The following DLG2 variants were observed in gnomAD, a reference collection of about 807,000 sequenced individuals.
DLG2 encodes disks large homolog 2.
Under a neutral mutation model 132.5 loss-of-function variants are expected in DLG2, and 45 were observed. That is an observed-to-expected ratio of 0.34 (90% confidence interval 0.27 to 0.44). DLG2 has a LOEUF of 0.44. DLG2 is among the 20% of genes least tolerant of loss of function. DLG2 has a pLI of 1.00. For synonymous variants in DLG2, 424 were observed against 419.6 expected, an observed-to-expected ratio of 1.01 and a Z score of -0.13; for missense variants, 1,045 against 1,196.9, an observed-to-expected ratio of 0.87 and a Z score of 1.87.
intron 11 of DLG2, among the ~76,000 whole-genome samples, chr11:84,026,426 T>C (rs1050012784): frequency 2.6e-5 from 4 of 152,088 alleles, no homozygotes; most frequent in Admixed American, 6.6e-5. Context: ...TGTAAAATCA[T>C]AGAGCTGAAA....
chr11:85,520,907 A>G (rs1236577992), intron 3 of DLG2, among the ~76,000 whole-genome samples: 1 of 152,182 alleles, frequency 6.6e-6, no homozygotes, highest in Non-Finnish European at 1.5e-5. Flanking sequence ...AAACTATAAA[A>G]TTACTAAAAA....
intron 3 of DLG2, among the ~76,000 whole-genome samples, chr11:85,469,120 C>G (rs1686313106): frequency 6.6e-6 from 1 of 152,214 alleles, no homozygotes; most frequent in South Asian, 2.1e-4. Context: ...TATCACTGTT[C>G]TATTTCTCTC....
chr11:84,118,265 A>C (rs74437989), intron 9 of DLG2, among the ~76,000 whole-genome samples: 2,361 of 152,262 alleles, frequency 0.016, 55 homozygotes, highest in African/African-American at 0.053. Flanking sequence ...CCATTTGAAG[A>C]AGAAAAAATT....
At chr11:84,039,473 G>T (rs2095991187) in intron 11 of DLG2, among the ~76,000 whole-genome samples, 1 of 116,322 alleles carries the variant, frequency 8.6e-6, no homozygotes, top group Non-Finnish European at 1.8e-5. Context: ...TGTGGTGTTT[G>T]GTTTTTTGTT....
At chr11:84,990,259 T>C (rs1354295683) in intron 6 of DLG2, among the ~76,000 whole-genome samples, 1 of 152,234 alleles carries the variant, frequency 6.6e-6, no homozygotes, top group Non-Finnish European at 1.5e-5. Flanking sequence ...TCATCTGCTA[T>C]GCTTTGAATG....
At chr11:84,182,159 T>C (rs968460233) in intron 8 of DLG2, among the ~76,000 whole-genome samples, 9 of 152,204 alleles carry the variant, frequency 5.9e-5, no homozygotes, top group East Asian at 1.9e-4. Context: ...TTCAAAAGAA[T>C]AGATACAATG....
chr11:83,983,714 C>T (rs978410142), intron 11 of DLG2, among the ~76,000 whole-genome samples: 3 of 151,930 alleles, frequency 2.0e-5, no homozygotes, highest in Admixed American at 1.3e-4. Context: ...GATGCTTTGC[C>T]ACCCCATGGA....
At chr11:84,450,935 A>G (rs2099049862) in intron 7 of DLG2, among the ~76,000 whole-genome samples, 1 of 151,836 alleles carries the variant, frequency 6.6e-6, no homozygotes, top group Non-Finnish European at 1.5e-5. Flanking sequence ...AACATAGGGA[A>G]CAGAATGTGT....
intron 15 of DLG2, among the ~76,000 whole-genome samples, chr11:83,874,820 C>G (rs1444250308): frequency 1.3e-5 from 2 of 152,126 alleles, no homozygotes; most frequent in Non-Finnish European, 2.9e-5. Flanking sequence ...ATATAGTACT[C>G]TACCAGATAA....
chr11:84,425,336 A>G (rs1438904067), intron 7 of DLG2, among the ~76,000 whole-genome samples: 3 of 152,148 alleles, frequency 2.0e-5, no homozygotes, highest in African/African-American at 7.2e-5. Context: ...AATGGAAAGC[A>G]TTATTTAATC....
chr11:84,841,506 G>A (rs2080685289), intron 6 of DLG2, among the ~76,000 whole-genome samples: 1 of 152,070 alleles, frequency 6.6e-6, no homozygotes, highest in Admixed American at 6.6e-5. Flanking sequence ...GATAACATCA[G>A]TATAAATTTC....
chr11:85,145,746 T>C (rs2076795499), intron 5 of DLG2, among the ~76,000 whole-genome samples: 1 of 152,108 alleles, frequency 6.6e-6, no homozygotes, highest in East Asian at 1.9e-4. Context: ...CTGTGTTATC[T>C]TGATGCTCAC....
rs151113411 is a variant in DLG2, at chr11:83,578,574, A to G, written c.1941-36716T>C. 9.0e-4 allele frequency among the ~76,000 whole-genome samples: 137 copies of G among 152,314 alleles called. 1 individual carries two copies. The South Asian group carries it at 9.1e-3, about 10-fold the overall frequency. On this transcript the variant is annotated intron_variant, in intron 19 of 27. Coordinates refer to ENST00000376104, the MANE Select transcript of DLG2 (RefSeq NM_001142699.3). Reference sequence around the variant, plus strand: ...TTAAAATTAAAGAGATGGAAAAAATATATACCATATTGACACTAGTCAAAA... The same window carrying G: ...TTAAAATTAAAGAGATGGAAAAAATGTATACCATATTGACACTAGTCAAAA...
At chr11:83,502,248 A>C (rs2094477963) in intron 21 of DLG2, among the ~76,000 whole-genome samples, 1 of 152,168 alleles carries the variant, frequency 6.6e-6, no homozygotes, top group Non-Finnish European at 1.5e-5. Context: ...AAGGGTTTAC[A>C]CAACTAGGAG....
At chr11:85,107,958 C>G (rs1594294269) in intron 6 of DLG2, among the ~76,000 whole-genome samples, 1 of 121,274 alleles carries the variant, frequency 8.2e-6, no homozygotes, top group Non-Finnish European at 1.7e-5. Flanking sequence ...AAAAAAGCCT[C>G]TCAGCCCCAT....
At chr11:84,954,008 A>C (rs1411410777) in intron 6 of DLG2, among the ~76,000 whole-genome samples, 1 of 151,894 alleles carries the variant, frequency 6.6e-6, no homozygotes, top group East Asian at 1.9e-4. Context: ...CTCTCTTTAC[A>C]CGTATCCTGT....
chr11:84,035,629 G>A (rs2095844791), intron 11 of DLG2, among the ~76,000 whole-genome samples: 1 of 152,198 alleles, frequency 6.6e-6, no homozygotes, highest in Non-Finnish European at 1.5e-5. Flanking sequence ...GTAAGGCTGT[G>A]GAGTTTGATT....
At chr11:84,133,916 A>G (rs1249176206) in intron 9 of DLG2, among the ~76,000 whole-genome samples, 1 of 152,026 alleles carries the variant, frequency 6.6e-6, no homozygotes, top group East Asian at 1.9e-4. Context: ...GTGACATTCC[A>G]TTTCTTCATT....
At chr11:85,391,858 T>A (rs966855206) in intron 3 of DLG2, among the ~76,000 whole-genome samples, 4 of 152,060 alleles carry the variant, frequency 2.6e-5, no homozygotes, top group Admixed American at 6.6e-5. Context: ...GTTGAAAGCA[T>A]CCCTGCTGAG....
Sources: allele counts gnomAD v4.1 joint callset (sites outside exome capture counted in the v4.1 genomes callset), GRCh38; gene constraint gnomAD v4.1.1; transcripts MANE v1.5; gene names NCBI Gene and HGNC (gene_info 2026-07-23, HGNC 2026-07-21).